The following ATXN2 variants were observed in gnomAD, a reference collection of about 807,000 sequenced individuals.
ATXN2 encodes ataxin 2.
In ATXN2, 37 loss-of-function variants were observed where a neutral mutation model predicts 138.6. The ratio of observed to expected loss-of-function variants is 0.27; its 90% CI spans 0.21 to 0.35. The LOEUF (loss-of-function observed/expected upper bound fraction) is 0.35, where lower values mean the gene tolerates loss of function less well. ATXN2 is among the 10% of genes least tolerant of loss of function. The probability of loss-of-function intolerance (pLI) is 1.00; values close to 1 mark genes in which losing one functional copy is unlikely to be tolerated. For synonymous variants in ATXN2, 549 were observed against 543.7 expected, an observed-to-expected ratio of 1.01 and a Z score of -0.13; for missense variants, 1,216 against 1,480.3, an observed-to-expected ratio of 0.82 and a Z score of 2.93.
At chr12:111,478,186 C>T (rs1361459622) in intron 18 of ATXN2, among the ~76,000 whole-genome samples, 5 of 152,010 alleles carry the variant, frequency 3.3e-5, no homozygotes, top group Non-Finnish European at 7.4e-5. Context: ...GCAGGTAGAT[C>T]ACCTGAGGTC....
At chr12:111,557,549 T>C (rs1015723707) in intron 1 of ATXN2, among the ~76,000 whole-genome samples, 2 of 152,196 alleles carry the variant, frequency 1.3e-5, no homozygotes, top group Admixed American at 1.3e-4. Context: ...ACATGCAACA[T>C]GTCTAATCTA....
At chr12:111,481,709 G>A (rs1877253044) in intron 18 of ATXN2, among the ~76,000 whole-genome samples, 1 of 152,100 alleles carries the variant, frequency 6.6e-6, no homozygotes, top group Non-Finnish European at 1.5e-5. Flanking sequence ...AGGCTGGGGT[G>A]CAGTGGTGTG....
At chr12:111,573,964 T>A (rs1728869888) in intron 1 of ATXN2, among the ~76,000 whole-genome samples, 1 of 151,080 alleles carries the variant, frequency 6.6e-6, no homozygotes, top group African/African-American at 2.4e-5. Context: ...ATAGAAAAAA[T>A]TTAATAATAA....
At position 111,599,146 on chromosome 12, in the gene ATXN2, G is replaced by T. The variant is rs754909060; in HGVS notation, c.-112C>A. 13 of 1,212,476 alleles carry T rather than the reference G, an allele frequency of 1.1e-5. No homozygotes were observed. The Middle Eastern group carries it at 9.5e-4, about 89-fold the overall frequency. The allele number at this position is 1,212,476 out of a possible 1,614,324, so 75.1% of individuals were successfully genotyped here. ...ACGCGCGGGCGCCGAGCGGGGAGGC[G>T]CGGGTTGGCGCGGCCGGAGGGGCGC... On this transcript the variant is annotated 5_prime_UTR_variant, in exon 1 of 25. Transcript: ENST00000673436.
At chr12:111,472,583 C>A (rs937826500) in intron 18 of ATXN2, among the ~76,000 whole-genome samples, 9 of 152,056 alleles carry the variant, frequency 5.9e-5, no homozygotes, top group Admixed American at 3.3e-4. Flanking sequence ...TATTTATTTT[C>A]TTTGAGACAG....
At chr12:111,475,344 CAAA>C (rs772048264) in intron 18 of ATXN2, among the ~76,000 whole-genome samples, 3 of 45,966 alleles carry the variant, frequency 6.5e-5, no homozygotes, top group Non-Finnish European at 1.8e-4. Context: ...GATTCCATCT[CAAA>C]AAAAAAAAAA....
At chr12:111,564,721 A>C (rs1391123308) in intron 1 of ATXN2, 1 of 152,222 alleles carries the variant, frequency 6.6e-6, no homozygotes. Flanking sequence ...CCCAGGAATT[A>C]AAGGCCAGTC....
chr12:111,548,726 A>C (rs1881966835), intron 5 of ATXN2, among the ~76,000 whole-genome samples: 2 of 152,162 alleles, frequency 1.3e-5, no homozygotes, highest in African/African-American at 4.8e-5. Context: ...GGGGACTGTG[A>C]GGCAAGAAAA....
chr12:111,507,196 C>T (rs1457951543), intron 14 of ATXN2, among the ~76,000 whole-genome samples: 3 of 151,516 alleles, frequency 2.0e-5, no homozygotes, highest in Non-Finnish European at 4.4e-5. Context: ...TCTTCCCGGC[C>T]GCCATCCCGT....
In ATXN2 at chr12:111,453,150, A is replaced by G. The variant is rs1464172598; in HGVS notation, c.3440-310T>C. ...GCACCAGTATTGCTTTCAGAATAAC[A>G]GGTCAGACTGTGAAGTATCGCCATG... is the stretch of plus-strand genomic sequence containing the variant. On this transcript the variant is annotated intron_variant, in intron 24 of 24. Coordinates refer to ENST00000673436, the MANE Select transcript of ATXN2 (RefSeq NM_001372574.1). The surrounding 1 kb of genome is among the most constrained non-coding windows in gnomAD (Gnocchi z 5.4). 13 of 1,193,538 alleles carry G rather than the reference A, an allele frequency of 1.1e-5. No individual in the cohort carries two copies. The highest frequency in any genetic ancestry group is 2.9e-5 in the South Asian group (1 of 34,930). 73.9% of individuals were successfully genotyped at this position (1,193,538 alleles called of 1,614,324 possible).
chr12:111,517,063 CACTT>C (rs1879897769), intron 9 of ATXN2, among the ~76,000 whole-genome samples: 1 of 152,070 alleles, frequency 6.6e-6, no homozygotes, highest in Admixed American at 6.6e-5. Context: ...TACAGTTAAA[CACTT>C]ATCTAAGCGA....
intron 20 of ATXN2, among the ~76,000 whole-genome samples, chr12:111,465,639 G>T (rs983080869): frequency 6.6e-6 from 1 of 151,620 alleles, no homozygotes; most frequent in Non-Finnish European, 1.5e-5. Flanking sequence ...TCGTGGTGGC[G>T]CACACCTGTA....
chr12:111,521,945 C>T (rs954321646), intron 6 of ATXN2, among the ~76,000 whole-genome samples: 1 of 152,128 alleles, frequency 6.6e-6, no homozygotes, highest in Admixed American at 6.5e-5. Flanking sequence ...TCTAATGTTT[C>T]AACTCCTTTT....
At chr12:111,594,621 T>C (rs1312555376) in intron 1 of ATXN2, among the ~76,000 whole-genome samples, 2 of 152,224 alleles carry the variant, frequency 1.3e-5, no homozygotes, top group Non-Finnish European at 2.9e-5. Context: ...TAATGTCATA[T>C]TATTTAGGTT....
In ATXN2 at chr12:111,598,126, C is replaced by T; in HGVS notation, c.251+658G>A. The T allele has an allele frequency of 9.0e-7, 1 of 1,106,140 alleles. No homozygotes were observed. Among genetic ancestry groups the T allele is most frequent in the Non-Finnish European group, 1.1e-6 (1 of 896,522 alleles). 68.5% of individuals were successfully genotyped at this position (1,106,140 alleles called of 1,614,324 possible). On this transcript the variant is annotated intron_variant, in intron 1 of 24. Coordinates refer to ENST00000673436, the MANE Select transcript of ATXN2 (RefSeq NM_001372574.1). This position sits in a 1 kb window ranked among gnomAD's most constrained non-coding sequence, Gnocchi z 4.5. ...GATTTCAGGGGAGTTCGGGAGCCCC[C>T]GCCGCCGCCTCGGACACGAACGCAG...
At chr12:111,532,287 C>A (rs898362572) in intron 5 of ATXN2, among the ~76,000 whole-genome samples, 2 of 152,008 alleles carry the variant, frequency 1.3e-5, no homozygotes, top group Non-Finnish European at 2.9e-5. Context: ...GGTGACCAGC[C>A]TGGCCAATAT....
At chr12:111,555,205 CCA>C (rs1245979144) in intron 2 of ATXN2, among the ~76,000 whole-genome samples, 12 of 152,236 alleles carry the variant, frequency 7.9e-5, no homozygotes, top group Admixed American at 4.6e-4. Context: ...TCTGCAGACT[CCA>C]CTCTTGGTGT....
intron 14 of ATXN2, among the ~76,000 whole-genome samples, chr12:111,508,998 C>T (rs1320774829): frequency 6.6e-6 from 1 of 152,044 alleles, no homozygotes; most frequent in East Asian, 1.9e-4. Flanking sequence ...AGCTAAGTTT[C>T]AAGAAGATTT....
At chr12:111,497,813 G>A (rs926964428) in intron 14 of ATXN2, among the ~76,000 whole-genome samples, 13 of 151,832 alleles carry the variant, frequency 8.6e-5, no homozygotes, top group African/African-American at 1.2e-4. Flanking sequence ...TCAGGAGTTC[G>A]AGACCATCCT....
Sources: gnomAD v4.1 joint callset for allele counts (sites outside exome capture counted in the v4.1 genomes callset) on GRCh38, gnomAD v4.1.1 for gene constraint, Gnocchi (gnomAD v3.1) non-coding constraint, MANE v1.5 for transcripts, NCBI Gene and HGNC (gene_info 2026-07-23, HGNC 2026-07-21) for gene names.